Variants in TTN observed in about 807,000 individuals in gnomAD.
The protein encoded by TTN is connectin.
A neutral mutation model predicts 3,223.0 loss-of-function variants in TTN; 1,525 were observed. That is an observed-to-expected ratio of 0.47 (90% confidence interval 0.45 to 0.49). The LOEUF is 0.49. Among genes scored for constraint, TTN ranks in the 20% least tolerant of loss-of-function variants. The pLI, the probability that TTN is intolerant of heterozygous loss-of-function variation, is 0.00. For synonymous variants in TTN, 14,094 were observed against 15,161.0 expected (o/e 0.93, Z 5.17); for missense variants, 40,786 against 43,424.0 (o/e 0.94, Z 5.40).
At position 178,546,621 on chromosome 2, in the gene TTN, CAG is replaced by C; in HGVS notation, c.94805_94806del (p.Pro31602ArgfsTer6). 1 of 1,610,626 alleles carries C rather than the reference CAG, an allele frequency of 6.2e-7. No homozygotes were observed. Among genetic ancestry groups the C allele is most frequent in the Non-Finnish European group, 8.5e-7 (1 of 1,177,190 alleles). Reference protein sequence around the residue: ...VISKGSESTGPVTCRDEYAPP... With the variant: ...VISKGSESTGXVTCRDEYAPP... ...CTACCGTATTCATCTCGGCAAGTGA[CAG>C]GGCCTGTAGATTCAGACCCTTTGCT... On this transcript the variant is annotated frameshift_variant, in exon 341 of 363. Transcript: ENST00000589042. LOFTEE classifies it high-confidence loss of function.
intron 78 of TTN, among the ~76,000 whole-genome samples, 195 bp from the exon 79 acceptor site, chr2:178,721,397 T>A (rs1420075960): frequency 3.9e-5 from 6 of 152,140 alleles, no homozygotes; most frequent in East Asian, 3.9e-4. Flanking sequence ...TTTAGTTTTT[T>A]AAAATTTATT....
Position 178,729,939 on chromosome 2 carries a change from G to A in TTN, c.18314C>T (p.Pro6105Leu). 6.2e-7 allele frequency: 1 copy of A among 1,611,102 alleles called. No homozygotes were observed. The highest frequency in any genetic ancestry group is 8.5e-7 in the Non-Finnish European group (1 of 1,178,824). ...SKATLFVKEPPQFIKKPSPVL... is the reference protein window; with the variant it reads ...SKATLFVKEPLQFIKKPSPVL... Reference sequence around the variant, plus strand: ...TGGACTGGGCTTCTTAATGAATTGAGGAGGTTCTAAAGATGGAAAAAGAAT... The same window carrying A: ...TGGACTGGGCTTCTTAATGAATTGAAGAGGTTCTAAAGATGGAAAAAGAAT... Residue 6105 changes from proline (P) to leucine (L), a missense_variant, in exon 63 of 363, where the codon CCT (proline) becomes CTT (leucine). Pro to Leu is a moderately conservative substitution (Grantham distance 98, BLOSUM62 -3). Transcript: ENST00000589042.
At chr2:178,550,781 A>G (rs1407972290) in intron 336 of TTN, 186 bp downstream of exon 336, 4 of 613,692 alleles carry the variant, frequency 6.5e-6, no homozygotes, top group East Asian at 2.8e-5. Flanking sequence ...GTGAAATAAT[A>G]GAAAAAATAA....
In TTN at chr2:178,739,667, T is replaced by A. The variant is rs1574069168; in HGVS notation, c.13566A>T (p.Pro4522=). The part of the protein sequence containing the change: ...GSQKVEPITE[P]EVESKYLIST... ...AGATCAGATATTTAGATTCAACTTCTGGTTCAGTAATGGGTTCAACCTTCT... is the reference window on the plus strand; with the variant it reads ...AGATCAGATATTTAGATTCAACTTCAGGTTCAGTAATGGGTTCAACCTTCT... The change falls in exon 48 of 363, where the codon CCA becomes CCT. Residue 4522 remains proline (P), a synonymous_variant. Coordinates refer to ENST00000589042, the MANE Select transcript of TTN (RefSeq NM_001267550.2). 5.0e-6 allele frequency: 8 copies of A among 1,613,948 alleles called. No homozygotes were observed. Among genetic ancestry groups the A allele is most frequent in the Non-Finnish European group, 6.8e-6 (8 of 1,179,838 alleles).
intron 294 of TTN, 96 bp downstream of exon 294, chr2:178,597,442 C>T: frequency 1.4e-6 from 2 of 1,382,660 alleles, no homozygotes; most frequent in Non-Finnish European, 1.9e-6. Flanking sequence ...TTCTTATTTT[C>T]CAAAATGTTT....
rs367748413 is a variant in TTN, at chr2:178,707,777, G to A, written c.28790C>T (p.Thr9597Ile). ...KKPPVFDQHL[T>I]PVTVSEGEYV... is the part of the protein sequence containing the mutation. ...TTCTCCTTCACTCACTGTTACTGGA[G>A]TAAGGTGCTGATCAAATACAGGTGG... Residue 9597 changes from threonine (T) to isoleucine (I), a missense_variant, in exon 100 of 363, where the codon ACT becomes ATT. By Grantham distance (89) the Thr-to-Ile change is moderately conservative. Coordinates refer to ENST00000589042, the MANE Select transcript of TTN (RefSeq NM_001267550.2). The A allele has an allele frequency of 5.6e-6, 9 of 1,612,162 alleles. No homozygotes were observed. The African/African-American group carries it at 8.0e-5, about 14-fold the overall frequency.
rs755301243 is a variant in TTN, at chr2:178,613,092, T to C, written c.49649-20A>G. 3.7e-6 allele frequency: 6 copies of C among 1,611,762 alleles called. No homozygotes were observed. The highest frequency in any genetic ancestry group is 1.1e-5 in the South Asian group (1 of 90,782). On this transcript the variant is annotated intron_variant, in intron 264 of 362. Transcript: ENST00000589042. Reference sequence around the variant, plus strand: ...GAGGATCTGCAAGCCAATGAAATCATTGTTTAGGTTTGTCAAAAAGGAGTT... The same window carrying C: ...GAGGATCTGCAAGCCAATGAAATCACTGTTTAGGTTTGTCAAAAAGGAGTT...
chr2:178,644,852 G>A, intron 217 of TTN: 1 of 407,432 alleles, frequency 2.5e-6, no homozygotes, highest in Non-Finnish European at 4.3e-6. Context: ...GACAATTTTT[G>A]TTATTGGCAG....
Position 178,696,377 on chromosome 2 carries a change from T to C in TTN, c.30803-108A>G, listed in dbSNP as rs2073716155. The C allele has an allele frequency of 2.9e-6, 3 of 1,040,378 alleles. No individual in the cohort carries two copies. The Admixed American group carries it at 1.0e-4, about 35-fold the overall frequency. The allele number at this position is 1,040,378 out of a possible 1,614,324, so 64.4% of individuals were successfully genotyped here. The stretch of plus-strand genomic sequence containing the variant: ...ACATCAGTATTTCAGATCTATTTTA[T>C]TGATAATTTGTTTTTTTTTTTTGTA... On this transcript the variant is annotated intron_variant, in intron 113 of 362. Transcript: ENST00000589042.
chr2:178,558,501 C>A lies in TTN; in HGVS notation c.86958G>T (p.Gln28986His), dbSNP rs777381679. 1.9e-6 allele frequency: 3 copies of A among 1,613,808 alleles called. No individual in the cohort carries two copies. The South Asian group carries it at 3.3e-5, about 18-fold the overall frequency. ...HYVVEALEKG[Q>H]KNWVKCAVAK... is the part of the protein sequence containing the mutation. ...CCACTGCACATTTAACCCAGTTTTT[C>A]TGTCCTTTTTCTAGTGCTTCAACGA... Residue 28986 changes from glutamine (Q) to histidine (H), a missense_variant, in exon 327 of 363, where the codon CAG becomes CAT. Gln to His is a conservative substitution (Grantham distance 24, BLOSUM62 0). Coordinates refer to ENST00000589042, the MANE Select transcript of TTN (RefSeq NM_001267550.2).
rs542891030 is a variant in TTN at position 178,534,182 on chromosome 2, C to T, written c.102433G>A (p.Ala34145Thr). The T allele has an allele frequency of 1.9e-6, 3 of 1,613,954 alleles. No individual in the cohort carries two copies. The East Asian group carries it at 6.7e-5, about 36-fold the overall frequency. Reference sequence around the variant, plus strand: ...ACATGTCCTCCTTCTTCACCAACTGCATGCATTATCTGCCCAGAAACTGGG... The same window carrying T: ...ACATGTCCTCCTTCTTCACCAACTGTATGCATTATCTGCCCAGAAACTGGG... ...IGPVSGQIMH[A>T]VGEEGGHVKY... Residue 34145 changes from alanine (A) to threonine (T), a missense_variant, in exon 358 of 363, where the codon GCA becomes ACA. Ala to Thr is a moderately conservative substitution (Grantham distance 58). Coordinates refer to ENST00000589042, the MANE Select transcript of TTN (RefSeq NM_001267550.2).
At chr2:178,748,772 A>T (rs747310954) in intron 47 of TTN, 1 of 1,612,406 alleles carries the variant, frequency 6.2e-7, no homozygotes, top group East Asian at 2.2e-5. Flanking sequence ...TTGTGCGTCA[A>T]ATTCTTTATG....
In TTN at chr2:178,689,868, A is replaced by C. The variant is rs397517539; in HGVS notation, c.31791T>G (p.Pro10597=). The C allele has an allele frequency of 1.2e-6, 2 of 1,613,340 alleles. No individual in the cohort carries two copies. Among genetic ancestry groups the C allele is most frequent in the African/African-American group, 2.7e-5 (2 of 74,922 alleles). Residue 10597 remains proline (P), a synonymous_variant, in exon 122 of 363, where the codon CCT becomes CCG. Transcript: ENST00000589042. ...CAACAGGAACGGGAATCTTTTCTTC[A>C]GGGACAGGTTTCTTTGGCACCTCTG... ...KVPEVPKKPV[P]EEKIPVPVAK...
chr2:178,775,498 G>T lies in TTN; in HGVS notation c.6366C>A (p.Asp2122Glu), dbSNP rs2092123649. ...YKNGVKIERS[D>E]RIYWYWPEDN... is the part of the protein sequence containing the mutation. ...CTTCGGGCCAGTACCAGTAGATCCGGTCAGACCGTTCAATTTTGACACCAT... is the reference window on the plus strand; with the variant it reads ...CTTCGGGCCAGTACCAGTAGATCCGTTCAGACCGTTCAATTTTGACACCAT... Residue 2122 changes from aspartate (D) to glutamate (E), a missense_variant, in exon 28 of 363, where the codon GAC (aspartate) becomes GAA (glutamate). By Grantham distance (45) the Asp-to-Glu change is conservative. Transcript: ENST00000589042. 6.2e-7 allele frequency: 1 copy of T among 1,613,872 alleles called. No homozygotes were observed. Among genetic ancestry groups the T allele is most frequent in the Non-Finnish European group, 8.5e-7 (1 of 1,180,000 alleles).
At chr2:178,752,439 T>G (rs1366547812) in intron 47 of TTN, among the ~76,000 whole-genome samples, 2 of 152,208 alleles carry the variant, frequency 1.3e-5, no homozygotes, top group East Asian at 3.9e-4. Context: ...ATTAAATTAT[T>G]ATATTTTTGA....
intron 241 of TTN, 140 bp from the exon 242 acceptor site, chr2:178,624,871 T>A: frequency 1.1e-6 from 1 of 929,592 alleles, no homozygotes; most frequent in South Asian, 1.7e-5. Context: ...ACTCAGACAT[T>A]TTCCTCTAAA....
chr2:178,614,370 C>G (rs1250520805), intron 261 of TTN, 22 bp from the exon 262 acceptor site: 1 of 1,576,992 alleles, frequency 6.3e-7, no homozygotes, highest in Non-Finnish European at 8.6e-7. Flanking sequence ...ATTACAGATG[C>G]AGAAAAAAAA....
Position 178,559,976 on chromosome 2 carries a change from G to A in TTN, c.86156C>T (p.Ala28719Val), listed in dbSNP as rs753978031. The part of the protein sequence containing the change: ...EYTISGLTTG[A>V]EYVFRVKSVN... Reference sequence around the variant, plus strand: ...AGATTTTACTCTGAAAACATATTCAGCTCCTGTTGTTAGTCCGCTTATTGT... The same window carrying A: ...AGATTTTACTCTGAAAACATATTCAACTCCTGTTGTTAGTCCGCTTATTGT... The change falls in exon 326 of 363, where the codon GCT becomes GTT. Residue 28719 changes from alanine to valine, a missense_variant. By Grantham distance (64) the Ala-to-Val change is moderately conservative (BLOSUM62 0). Coordinates refer to ENST00000589042, the MANE Select transcript of TTN (RefSeq NM_001267550.2). 6.2e-7 allele frequency: 1 copy of A among 1,613,760 alleles called. No homozygotes were observed. The highest frequency in any genetic ancestry group is 1.1e-5 in the South Asian group (1 of 91,074).
At chr2:178,783,642 A>C (rs1054628767) in intron 17 of TTN, 78 bp downstream of exon 17, 1 of 1,273,196 alleles carries the variant, frequency 7.9e-7, no homozygotes, top group Non-Finnish European at 1.1e-6. Context: ...AATTTGAGAA[A>C]CTGATCTTTG....
Sources: gnomAD v4.1 joint callset for allele counts (sites outside exome capture counted in the v4.1 genomes callset) on GRCh38, gnomAD v4.1.1 for gene constraint, MANE v1.5 for transcripts, NCBI Gene and HGNC (gene_info 2026-07-23, HGNC 2026-07-21) for gene names.